PFDN4: variants seen among roughly 807,000 people sequenced by gnomAD.
PFDN4 encodes the protein prefoldin 4.
PFDN4 carries 6 observed loss-of-function variants against 17.6 expected under a neutral mutation model. That is an observed-to-expected ratio of 0.34 (90% CI 0.19 to 0.67). The LOEUF (loss-of-function observed/expected upper bound fraction) is 0.67. Among genes scored for constraint, PFDN4 ranks in the 30% least tolerant of loss-of-function variants. PFDN4 has a pLI of 0.68. For missense variants in PFDN4, 119 were observed against 158.4 expected (o/e 0.75, Z 1.33); for synonymous variants, 48 against 51.1 (o/e 0.94, Z 0.26).
At position 54,219,679 on chromosome 20, in the gene PFDN4, A is replaced by C; in HGVS notation, c.*529A>C. The C allele has an allele frequency of 2.5e-6, 1 of 398,088 alleles. No homozygotes were observed. The highest frequency in any genetic ancestry group is 4.4e-6 in the Non-Finnish European group (1 of 225,854). The allele number at this position is 398,088 out of a possible 1,614,324, so 24.7% of individuals were successfully genotyped here. ...CATATTTAACATTTTTTACATATCT[A>C]TCAATATCAGAGATTTGGGTAAAAG... On this transcript the variant is annotated 3_prime_UTR_variant, in exon 4 of 4. Transcript: ENST00000371419.
intron 1 of PFDN4, 117 bp downstream of exon 1, chr20:54,208,241 C>T (rs2092750699): frequency 1.2e-5 from 11 of 924,156 alleles, no homozygotes; most frequent in Middle Eastern, 3.5e-4. Context: ...GACCCGAGGC[C>T]GAGGCCGAGG....
At chr20:54,212,766 A>G (rs143212279) in intron 1 of PFDN4, among the ~76,000 whole-genome samples, 56 of 152,342 alleles carry the variant, frequency 3.7e-4, no homozygotes, top group African/African-American at 1.3e-3. Flanking sequence ...TCTGCTGTCT[A>G]TTTGCGTAGG....
At chr20:54,208,535 C>T (rs1023809275) in intron 1 of PFDN4, 1 of 177,176 alleles carries the variant, frequency 5.6e-6, no homozygotes, top group Non-Finnish European at 1.2e-5. Flanking sequence ...TTATGGGTAG[C>T]TGCTGCTGGG....
chr20:54,215,333 G>A lies in PFDN4; in HGVS notation c.166G>A (p.Asp56Asn), dbSNP rs2092761173. 6.3e-7 allele frequency: 1 copy of A among 1,593,118 alleles called. No homozygotes were observed. Among genetic ancestry groups the A allele is most frequent in the South Asian group, 1.2e-5 (1 of 86,572 alleles). ...CCAAAACCTAGAAGATGCTTGTGAT[G>A]ACATCATGCTTGCAGATGATGATTG... ...QLQNLEDACDDIMLADDDCLM... is the reference protein window; with the variant it reads ...QLQNLEDACDNIMLADDDCLM... Residue 56 changes from aspartate (D) to asparagine (N), a missense_variant, in exon 3 of 4, where the codon GAC becomes AAC. Physicochemically the swap from Asp to Asn is conservative, Grantham distance 23. Coordinates refer to ENST00000371419, the MANE Select transcript of PFDN4 (RefSeq NM_002623.4).
chr20:54,216,878 A>G (rs12479602), intron 3 of PFDN4, among the ~76,000 whole-genome samples: 42,949 of 151,754 alleles, frequency 0.28, 6,204 homozygotes, highest in South Asian at 0.4. Flanking sequence ...ACTGGTCTCG[A>G]ACTCCTGACC....
intron 1 of PFDN4, among the ~76,000 whole-genome samples, chr20:54,209,726 G>A (rs1031653498): frequency 1.3e-5 from 2 of 152,174 alleles, no homozygotes; most frequent in African/African-American, 4.8e-5. Flanking sequence ...AGAATGATTT[G>A]AACCTTGGAT....
chr20:54,211,253 G>C (rs2146539014), intron 1 of PFDN4, among the ~76,000 whole-genome samples: 1 of 152,278 alleles, frequency 6.6e-6, no homozygotes, highest in South Asian at 2.1e-4. Context: ...ACCTAGACTT[G>C]GTGTGAGGCA....
rs2092750377 is a variant in PFDN4 at position 54,208,107 on chromosome 20, G to A, written c.7G>A (p.Ala3Thr). ...GCGGTAGTCCAGTCCCAAGATGGCG[G>A]CCACCATGAAGAAGGCGGTGAGTGG... is the stretch of plus-strand genomic sequence containing the variant. MA[A>T]TMKKAAAEDV... Residue 3 changes from alanine to threonine, a missense_variant, in exon 1 of 4, where the codon GCC (alanine) becomes ACC (threonine). Transcript: ENST00000371419. 2 of 1,555,402 alleles carry A rather than the reference G, an allele frequency of 1.3e-6. No individual in the cohort carries two copies. Among genetic ancestry groups the A allele is most frequent in the Non-Finnish European group, 1.7e-6 (2 of 1,149,918 alleles).
In PFDN4 at chr20:54,208,130, TG is replaced by T; in HGVS notation, c.24+10del. The T allele has an allele frequency of 6.4e-7, 1 of 1,554,394 alleles. No homozygotes were observed. The highest frequency in any genetic ancestry group is 2.5e-5 in the East Asian group (1 of 40,796). ...CGGCCACCATGAAGAAGGCGGTGAG[TG>T]GGGAGCTCGGGGCTCTGGATGCTCG... On this transcript the variant is annotated splice_region_variant and intron_variant, in intron 1 of 3. Transcript: ENST00000371419.
chr20:54,208,115 G>A lies in PFDN4; in HGVS notation c.15G>A (p.Met5Ile). Residue 5 changes from methionine (M) to isoleucine (I), a missense_variant, in exon 1 of 4, where the codon ATG (methionine) becomes ATA (isoleucine). By Grantham distance (10) the Met-to-Ile change is conservative. This residue lies in a region of PFDN4 where 29 missense variants were observed against 18.9 expected (regional missense o/e 1.54). Transcript: ENST00000371419. MAAT[M>I]KKAAAEDVNV... Reference sequence around the variant, plus strand: ...CCAGTCCCAAGATGGCGGCCACCATGAAGAAGGCGGTGAGTGGGGAGCTCG... The same window carrying A: ...CCAGTCCCAAGATGGCGGCCACCATAAAGAAGGCGGTGAGTGGGGAGCTCG... 6.4e-7 allele frequency: 1 copy of A among 1,557,496 alleles called. No homozygotes were observed. The highest frequency in any genetic ancestry group is 8.7e-7 in the Non-Finnish European group (1 of 1,150,812).
chr20:54,214,501 A>G (rs781250569), intron 2 of PFDN4, 43 bp downstream of exon 2: 3 of 867,800 alleles, frequency 3.5e-6, no homozygotes, highest in Non-Finnish European at 3.6e-6. Flanking sequence ...TTTTTATACT[A>G]TAGCTACTAA....
chr20:54,218,355 CAATTTAT>C (rs2092765423), intron 3 of PFDN4, among the ~76,000 whole-genome samples: 1 of 151,462 alleles, frequency 6.6e-6, no homozygotes, highest in African/African-American at 2.4e-5. Context: ...TATAAATTGA[CAATTTAT>C]AATTGTATAA....
intron 1 of PFDN4, chr20:54,208,523 G>C (rs1338353259): frequency 1.0e-5 from 2 of 191,748 alleles, no homozygotes; most frequent in East Asian, 2.5e-4. Flanking sequence ...TAGCCTCACT[G>C]GTTATGGGTA....
intron 1 of PFDN4, among the ~76,000 whole-genome samples, chr20:54,211,852 A>G (rs1425122453): frequency 6.6e-6 from 1 of 152,142 alleles, no homozygotes; most frequent in African/African-American, 2.4e-5. Context: ...CTCTGGGTAT[A>G]TCGACCTGTC....
chr20:54,213,143 G>A (rs1363325079), intron 1 of PFDN4, among the ~76,000 whole-genome samples: 8 of 152,198 alleles, frequency 5.3e-5, no homozygotes, highest in Non-Finnish European at 1.5e-5. Context: ...GAGTGTGAAT[G>A]TTGTGAGCTC....
In PFDN4 at chr20:54,219,341, T is replaced by C. The variant is rs1028807320; in HGVS notation, c.*191T>C. 1 of 447,954 alleles carries C rather than the reference T, an allele frequency of 2.2e-6. No homozygotes were observed. Among genetic ancestry groups the C allele is most frequent in the Non-Finnish European group, 3.9e-6 (1 of 256,926 alleles). The allele number at this position is 447,954 out of a possible 1,614,324, so 27.7% of individuals were successfully genotyped here. Reference sequence around the variant, plus strand: ...TTTTTAAAAGAAGACAGTATTCACCTATGTATTTTGCATAACGATTATATC... The same window carrying C: ...TTTTTAAAAGAAGACAGTATTCACCCATGTATTTTGCATAACGATTATATC... On this transcript the variant is annotated 3_prime_UTR_variant, in exon 4 of 4. Transcript: ENST00000371419.
chr20:54,219,231 G>T lies in PFDN4; in HGVS notation c.*81G>T. The T allele has an allele frequency of 6.8e-6, 6 of 886,856 alleles. No individual in the cohort carries two copies. The highest frequency in any genetic ancestry group is 9.7e-6 in the Non-Finnish European group (6 of 621,264). The allele number at this position is 886,856 out of a possible 1,614,324, so 54.9% of individuals were successfully genotyped here. On this transcript the variant is annotated 3_prime_UTR_variant, in exon 4 of 4. Coordinates refer to ENST00000371419, the MANE Select transcript of PFDN4 (RefSeq NM_002623.4). ...ATAATTTTCCTTCTTCAAATGACAT[G>T]GAAAGCAAAACTTTCTTTTTTAAAA... is the stretch of plus-strand genomic sequence containing the variant.
At position 54,210,072 on chromosome 20, in the gene PFDN4, T is replaced by C. The variant is rs6013924; in HGVS notation, c.24+1948T>C. The stretch of plus-strand genomic sequence containing the variant: ...ATTTAAGTTGAGATCTGTGAGATTA[T>C]GTAAGGAAAGGAAGGGAGAGTTGGA... On this transcript the variant is annotated intron_variant, in intron 1 of 3. Coordinates refer to ENST00000371419, the MANE Select transcript of PFDN4 (RefSeq NM_002623.4). Among the ~76,000 whole-genome samples, 16 of 152,304 alleles carry C rather than the reference T, an allele frequency of 1.1e-4. 1 individual carries two copies. The highest frequency in any genetic ancestry group is 3.6e-4 in the African/African-American group (15 of 41,572).
Position 54,214,305 on chromosome 20 carries a change from T to C in PFDN4, c.25-46T>C, listed in dbSNP as rs367707641. The C allele has an allele frequency of 5.1e-6, 5 of 985,770 alleles. No homozygotes were observed. The African/African-American group carries it at 8.2e-5, about 16-fold the overall frequency. 61.1% of individuals were successfully genotyped at this position (985,770 alleles called of 1,614,324 possible). A position where few individuals can be genotyped will look rare whatever the true frequency, so the allele number is the denominator to read the frequency against. ...TTGAGAAATATAAAAAGCTAACTGA[T>C]AACTTCTCCGTTAAAATTTTACAAA... On this transcript the variant is annotated intron_variant, in intron 1 of 3. Transcript: ENST00000371419.
Sources: allele counts gnomAD v4.1 joint callset (sites outside exome capture counted in the v4.1 genomes callset), GRCh38; gene constraint gnomAD v4.1.1; regional missense constraint gnomAD v4.1.1; transcripts MANE v1.5; gene names NCBI Gene and HGNC (gene_info 2026-07-23, HGNC 2026-07-21).